FILIP1: variants seen among roughly 807,000 people sequenced by gnomAD.
FILIP1 encodes filamin A interacting protein 1, also known as filamin-A-interacting protein 1.
FILIP1 carries 61 observed loss-of-function variants against 102.1 expected under a neutral mutation model. The ratio of observed to expected loss-of-function variants is 0.60; its 90% CI spans 0.49 to 0.74. FILIP1 has a LOEUF of 0.74. FILIP1 is among the 30% of genes least tolerant of loss of function. The pLI is 0.00. For synonymous variants in FILIP1, 491 were observed against 526.9 expected, an observed-to-expected ratio of 0.93 and a Z score of 0.93; for missense variants, 1,314 against 1,441.2, an observed-to-expected ratio of 0.91 and a Z score of 1.43.
At chr6:75,473,906 G>C (rs944302771) in intron 1 of FILIP1, 4 of 152,030 alleles carry the variant, frequency 2.6e-5, no homozygotes, top group Non-Finnish European at 5.9e-5. Context: ...ACGAAGGTAA[G>C]GGTATAAACA....
intron 1 of FILIP1, among the ~76,000 whole-genome samples, chr6:75,450,811 C>T (rs767129710): frequency 4.6e-5 from 7 of 151,796 alleles, no homozygotes; most frequent in South Asian, 2.1e-4. Flanking sequence ...CAAAATTAGC[C>T]GGGCATGGTG....
At chr6:75,492,983 C>T (rs530422350) in intron 1 of FILIP1, among the ~76,000 whole-genome samples, 2 of 152,180 alleles carry the variant, frequency 1.3e-5, no homozygotes, top group Non-Finnish European at 2.9e-5. Context: ...AAACACCATG[C>T]GGGACTTTCC....
At chr6:75,320,285 G>A (rs1221061564) in intron 4 of FILIP1, among the ~76,000 whole-genome samples, 4 of 152,180 alleles carry the variant, frequency 2.6e-5, no homozygotes, top group Non-Finnish European at 4.4e-5. Flanking sequence ...GGCTGGGAGC[G>A]GTGGCTCAAG....
At chr6:75,377,503 A>C (rs1226571689) in intron 2 of FILIP1, among the ~76,000 whole-genome samples, 1 of 152,214 alleles carries the variant, frequency 6.6e-6, no homozygotes. Context: ...AGTGAGCATA[A>C]AATTTCTAGA....
At chr6:75,394,818 G>A (rs1274705345) in intron 2 of FILIP1, among the ~76,000 whole-genome samples, 1 of 152,142 alleles carries the variant, frequency 6.6e-6, no homozygotes, top group Non-Finnish European at 1.5e-5. Flanking sequence ...AGGAATGTGA[G>A]AAACCAGGCC....
chr6:75,423,516 C>A (rs867737825), intron 1 of FILIP1, among the ~76,000 whole-genome samples: 1 of 152,152 alleles, frequency 6.6e-6, no homozygotes, highest in African/African-American at 2.4e-5. Flanking sequence ...TGCTGCCTGG[C>A]TGAGCTACTA....
chr6:75,312,290 G>C, intron 5 of FILIP1, 107 bp downstream of exon 5: 2 of 1,077,838 alleles, frequency 1.9e-6, no homozygotes, highest in Non-Finnish European at 2.7e-6. Context: ...GTGGATTCAG[G>C]TAGCATGAGA....
At chr6:75,371,718 G>C (rs1028684687) in intron 2 of FILIP1, among the ~76,000 whole-genome samples, 1 of 152,130 alleles carries the variant, frequency 6.6e-6, no homozygotes, top group African/African-American at 2.4e-5. Flanking sequence ...CTCTCAGTGG[G>C]GAAAGGAGAG....
intron 1 of FILIP1, among the ~76,000 whole-genome samples, chr6:75,425,900 G>A (rs1777609825): frequency 6.6e-6 from 1 of 152,038 alleles, no homozygotes; most frequent in African/African-American, 2.4e-5. Flanking sequence ...TCCTCATATA[G>A]GTAGCACCAG....
intron 1 of FILIP1, 128 bp from the exon 2 acceptor site, chr6:75,415,106 A>G (rs1777217561): frequency 1.1e-6 from 1 of 898,476 alleles, no homozygotes; most frequent in East Asian, 2.6e-5. Flanking sequence ...TTAACATGTC[A>G]TTAAAATTTT....
chr6:75,314,642 A>T lies in FILIP1; in HGVS notation c.1190T>A (p.Ile397Asn). The T allele has an allele frequency of 1.2e-6, 2 of 1,613,360 alleles. No homozygotes were observed. Among genetic ancestry groups the T allele is most frequent in the Admixed American group, 1.7e-5 (1 of 59,864 alleles). Reference protein sequence around the residue: ...VLEMEGKDEEITKTESQCREL... With the variant: ...VLEMEGKDEENTKTESQCREL... Reference sequence around the variant, plus strand: ...CCTACACTGGGATTCAGTTTTAGTGATCTCCTCATCTTTACCTTCCATTTC... The same window carrying T: ...CCTACACTGGGATTCAGTTTTAGTGTTCTCCTCATCTTTACCTTCCATTTC... Residue 397 changes from isoleucine to asparagine, a missense_variant, in exon 5 of 6, where the codon ATC becomes AAC. Ile to Asn is a moderately radical substitution (Grantham distance 149). Transcript: ENST00000237172.
Position 75,308,911 on chromosome 6 carries a change from A to C in FILIP1, c.3436-14T>G. The C allele has an allele frequency of 6.2e-7, 1 of 1,613,456 alleles. No homozygotes were observed. The highest frequency in any genetic ancestry group is 8.5e-7 in the Non-Finnish European group (1 of 1,179,624). On this transcript the variant is annotated splice_polypyrimidine_tract_variant and intron_variant, in intron 5 of 5. Coordinates refer to ENST00000237172, the MANE Select transcript of FILIP1 (RefSeq NM_015687.5). ...GTCTTGTCCTGACTGTAAGAGAGAA[A>C]ATACGTAGATACAAGGGAGATGTTG...
At chr6:75,465,718 C>A in intron 1 of FILIP1, 1 of 211,834 alleles carries the variant, frequency 4.7e-6, no homozygotes. Flanking sequence ...CTTAAGATTC[C>A]AAAAATGACA....
rs370874218 is a variant in FILIP1 at position 75,308,469 on chromosome 6, G to A, written c.*222C>T. ...AAGCAAAACTGGAACTAGAAACCAC[G>A]CCCTGGCTTCTAGGCAGCAAGCAAT... On this transcript the variant is annotated 3_prime_UTR_variant, in exon 6 of 6. Coordinates refer to ENST00000237172, the MANE Select transcript of FILIP1 (RefSeq NM_015687.5). The A allele has an allele frequency of 8.1e-6, 11 of 1,364,096 alleles. No homozygotes were observed. Among genetic ancestry groups the A allele is most frequent in the Middle Eastern group, 2.8e-4 (1 of 3,606 alleles). The allele number at this position is 1,364,096 out of a possible 1,614,324, so 84.5% of individuals were successfully genotyped here.
intron 2 of FILIP1, among the ~76,000 whole-genome samples, chr6:75,366,415 A>T (rs1331526086): frequency 6.6e-6 from 1 of 152,250 alleles, no homozygotes; most frequent in Non-Finnish European, 1.5e-5. Flanking sequence ...TAATTAAAAT[A>T]TAGGAATAAA....
At chr6:75,437,727 T>A (rs1012083947) in intron 1 of FILIP1, among the ~76,000 whole-genome samples, 10 of 152,152 alleles carry the variant, frequency 6.6e-5, no homozygotes, top group Non-Finnish European at 1.3e-4. Flanking sequence ...TGAGAACATG[T>A]TTGAGCTGGG....
chr6:75,373,502 G>C (rs768381921), intron 2 of FILIP1, among the ~76,000 whole-genome samples: 1 of 151,824 alleles, frequency 6.6e-6, no homozygotes, highest in Non-Finnish European at 1.5e-5. Context: ...ATGGAGCCTT[G>C]CCATGTTGTC....
intron 2 of FILIP1, among the ~76,000 whole-genome samples, chr6:75,375,210 T>C (rs1775712482): frequency 1.3e-5 from 2 of 152,198 alleles, no homozygotes; most frequent in Non-Finnish European, 2.9e-5. Flanking sequence ...AAGTAAGAAC[T>C]AGAGGAATTG....
At chr6:75,348,062 T>TAC (rs148284986) in intron 4 of FILIP1, among the ~76,000 whole-genome samples, 2,719 of 147,360 alleles carry the variant, frequency 0.018, 68 homozygotes, top group African/African-American at 0.056. Flanking sequence ...ACATCAGTTA[T>TAC]ACACACACAC....
Sources: allele counts gnomAD v4.1 joint callset (sites outside exome capture counted in the v4.1 genomes callset), GRCh38; gene constraint gnomAD v4.1.1; transcripts MANE v1.5; gene names NCBI Gene and HGNC (gene_info 2026-07-23, HGNC 2026-07-21).